The following KCNN2 variants were observed in gnomAD, a reference collection of about 807,000 sequenced individuals.
KCNN2 encodes the protein small conductance calcium-activated potassium channel protein 2.
A neutral mutation model predicts 55.5 loss-of-function variants in KCNN2; 24 were observed. That is an observed-to-expected ratio of 0.43 (90% CI 0.31 to 0.61). The LOEUF is 0.61. KCNN2 is among the 20% of genes least tolerant of loss of function. The pLI, the probability that KCNN2 is intolerant of heterozygous loss-of-function variation, is 0.08. For synonymous variants in KCNN2, 431 were observed against 336.1 expected (o/e 1.28, Z -3.09); for missense variants, 754 against 853.6 (o/e 0.88, Z 1.45).
chr5:114,244,039 C>G (rs1264211667), intron 2 of KCNN2, among the ~76,000 whole-genome samples: 1 of 152,198 alleles, frequency 6.6e-6, no homozygotes, highest in Non-Finnish European at 1.5e-5. Flanking sequence ...CAGACCTAAT[C>G]TCAGCAACTG....
chr5:114,191,866 G>A (rs1219484797), intron 1 of KCNN2, among the ~76,000 whole-genome samples: 1 of 152,130 alleles, frequency 6.6e-6, no homozygotes, highest in Non-Finnish European at 1.5e-5. Flanking sequence ...CATTCACCAT[G>A]ACCCAGAAGC....
intron 1 of KCNN2, among the ~76,000 whole-genome samples, chr5:114,137,799 G>A (rs1172965128): frequency 1.3e-5 from 2 of 152,078 alleles, no homozygotes; most frequent in Non-Finnish European, 2.9e-5. Flanking sequence ...TGGATAAATA[G>A]TGTAGAAAAT....
At chr5:114,174,227 G>A (rs1373893682) in intron 1 of KCNN2, among the ~76,000 whole-genome samples, 1 of 152,090 alleles carries the variant, frequency 6.6e-6, no homozygotes, top group Non-Finnish European at 1.5e-5. Context: ...AACCAACTGG[G>A]TAGTTGTCAT....
At chr5:114,151,541 T>C (rs1279340041) in intron 1 of KCNN2, among the ~76,000 whole-genome samples, 4 of 151,142 alleles carry the variant, frequency 2.6e-5, no homozygotes, top group African/African-American at 9.9e-5. Context: ...GAGAGAGAGA[T>C]GTCCCAGAAA....
rs571257526 is a variant in KCNN2 at position 114,150,232 on chromosome 5, A to G, written c.-270-71248A>G. Among the ~76,000 whole-genome samples the G allele has an allele frequency of 1.1e-3, 163 of 152,182 alleles. 1 individual carries two copies. The highest frequency in any genetic ancestry group is 1.3e-3 in the Non-Finnish European group (90 of 68,034). On this transcript the variant is annotated intron_variant, in intron 1 of 10. Coordinates refer to the KCNN2 transcript ENST00000512097. The stretch of plus-strand genomic sequence containing the variant: ...AGAGTTTCAGGGGGTCTCCCTACAT[A>G]CCTGACTTCAAACTATACTACAAGG...
intron 1 of KCNN2, among the ~76,000 whole-genome samples, chr5:114,152,428 T>C (rs772318096): frequency 7.9e-5 from 12 of 152,362 alleles, no homozygotes; most frequent in Non-Finnish European, 1.2e-4. Flanking sequence ...TCCAATGTTA[T>C]GTTTAGTCAA....
Position 114,463,088 on chromosome 5 carries a change from A to G in KCNN2, c.1677A>G (p.Gly559=), listed in dbSNP as rs1363230874. 6.2e-6 allele frequency: 10 copies of G among 1,613,742 alleles called. No homozygotes were observed. Among genetic ancestry groups the G allele is most frequent in the Non-Finnish European group, 8.5e-6 (10 of 1,179,728 alleles). Residue 559 remains glycine, a synonymous_variant, in exon 4 of 8, where the codon GGA becomes GGG. Coordinates refer to ENST00000673685, the MANE Select transcript of KCNN2 (RefSeq NM_021614.4). ...DQQDVTSNFL[G]AMWLISITFL... ...AGGATGTTACTAGCAACTTCCTTGG[A>G]GCGATGTGGTTGATATCAATAACTT... is the stretch of plus-strand genomic sequence containing the variant.
At chr5:114,470,167 C>G (rs1003891723) in intron 4 of KCNN2, among the ~76,000 whole-genome samples, 29 of 152,278 alleles carry the variant, frequency 1.9e-4, no homozygotes, top group African/African-American at 6.7e-4. Flanking sequence ...AATCCACTTT[C>G]CAAGGCTCTT....
At chr5:114,354,644 G>A (rs1757266605) in intron 2 of KCNN2, among the ~76,000 whole-genome samples, 2 of 152,110 alleles carry the variant, frequency 1.3e-5, no homozygotes, top group Admixed American at 1.3e-4. Flanking sequence ...TCAGTTATAT[G>A]AGCTAGGAAG....
At chr5:114,116,671 A>C (rs1751714059) in intron 1 of KCNN2, among the ~76,000 whole-genome samples, 3 of 152,160 alleles carry the variant, frequency 2.0e-5, no homozygotes, top group Non-Finnish European at 4.4e-5. Flanking sequence ...TGAAGGGTAA[A>C]ACAATATTTA....
intron 3 of KCNN2, among the ~76,000 whole-genome samples, chr5:114,446,746 T>A (rs1760424803): frequency 1.3e-5 from 2 of 151,954 alleles, no homozygotes; most frequent in South Asian, 4.2e-4. Flanking sequence ...CAGGCATGAG[T>A]CACTACACCT....
At chr5:114,412,459 A>G (rs1289242258) in intron 3 of KCNN2, among the ~76,000 whole-genome samples, 2 of 152,160 alleles carry the variant, frequency 1.3e-5, no homozygotes, top group Non-Finnish European at 2.9e-5. Flanking sequence ...TCTGGGTTCT[A>G]ATTTTCAAGT....
intron 2 of KCNN2, among the ~76,000 whole-genome samples, chr5:114,399,918 G>GTTTTTTTTT (rs573469798): frequency 7.7e-6 from 1 of 129,572 alleles, no homozygotes. Flanking sequence ...GCCTTTGAGG[G>GTTTTTTTTT]TTTTTTTTTT....
At chr5:114,241,344 C>G (rs1754615135) in intron 2 of KCNN2, among the ~76,000 whole-genome samples, 1 of 151,554 alleles carries the variant, frequency 6.6e-6, no homozygotes, top group Non-Finnish European at 1.5e-5. Flanking sequence ...GGAGAAGAGC[C>G]AAAACATTTT....
chr5:114,217,442 G>A (rs928536811), intron 1 of KCNN2, among the ~76,000 whole-genome samples: 2 of 151,942 alleles, frequency 1.3e-5, no homozygotes, highest in Admixed American at 6.6e-5. Flanking sequence ...GAAAAAAATC[G>A]CCACATAAAT....
rs1235141969 is a variant in KCNN2 at position 114,397,473 on chromosome 5, G to A, written c.1219-6965G>A. ...GCTGTCTTGGCTCACTGCAACCTCTGCTTCCTGGGTTCAAGTGATTCTTCT... is the reference window on the plus strand; with the variant it reads ...GCTGTCTTGGCTCACTGCAACCTCTACTTCCTGGGTTCAAGTGATTCTTCT... On this transcript the variant is annotated intron_variant, in intron 2 of 7. Transcript: ENST00000673685. Among the ~76,000 whole-genome samples, 5 of 152,194 alleles carry A rather than the reference G, an allele frequency of 3.3e-5. No homozygotes were observed. In the East Asian group the frequency reaches 7.7e-4, roughly 24 times the overall value.
intron 1 of KCNN2, among the ~76,000 whole-genome samples, chr5:114,116,852 G>A (rs1336072755): frequency 6.6e-6 from 1 of 152,158 alleles, no homozygotes; most frequent in East Asian, 1.9e-4. Context: ...TTAGGGATGA[G>A]GATATGTCCT....
At chr5:114,366,423 G>C (rs964355566) in intron 2 of KCNN2, among the ~76,000 whole-genome samples, 3 of 152,136 alleles carry the variant, frequency 2.0e-5, no homozygotes, top group African/African-American at 4.8e-5. Flanking sequence ...TTTGGATGTA[G>C]CTTTTTTACT....
chr5:114,162,555 A>C (rs1752810900), intron 1 of KCNN2, among the ~76,000 whole-genome samples: 1 of 152,186 alleles, frequency 6.6e-6, no homozygotes, highest in Non-Finnish European at 1.5e-5. Flanking sequence ...TTAAATCTGC[A>C]GAGGATATTG....
Sources: gnomAD v4.1 joint callset for allele counts (sites outside exome capture counted in the v4.1 genomes callset) on GRCh38, gnomAD v4.1.1 for gene constraint, MANE v1.5 for transcripts, NCBI Gene and HGNC (gene_info 2026-07-23, HGNC 2026-07-21) for gene names.